The following RAB11B variants were observed in gnomAD, a reference collection of about 807,000 sequenced individuals.
The protein encoded by RAB11B is RAB11B, member RAS oncogene family, also known as ras-related protein Rab-11B.
In RAB11B, 7 loss-of-function variants were observed where a neutral mutation model predicts 23.7. That is an observed-to-expected ratio of 0.29 (90% CI 0.17 to 0.55). The LOEUF (loss-of-function observed/expected upper bound fraction) is 0.55. RAB11B is among the 20% of genes least tolerant of loss of function. The pLI, the probability that RAB11B is intolerant of heterozygous loss-of-function variation, is 0.93. For synonymous variants in RAB11B, 138 were observed against 132.0 expected, an observed-to-expected ratio of 1.05 and a Z score of -0.31; for missense variants, 189 against 320.0, an observed-to-expected ratio of 0.59 and a Z score of 3.12.
intron 1 of RAB11B, among the ~76,000 whole-genome samples, chr19:8,395,271 CTTTTT>C (rs201774881): frequency 1.1e-5 from 1 of 94,074 alleles, no homozygotes; most frequent in African/African-American, 4.3e-5. Context: ...TTCCATCTTT[CTTTTT>C]TTTTTTTTTT....
In RAB11B at chr19:8,390,373, G is replaced by T. The variant is rs1163195351; in HGVS notation, c.-44G>T. ...GGCTCCGCCCCCGTCGGGTGTTTGT[G>T]GTGGGGCTGCGGAGTCGCCGATCCC... On this transcript the variant is annotated 5_prime_UTR_variant, in exon 1 of 5. Transcript: ENST00000328024. 7.3e-6 allele frequency: 11 copies of T among 1,515,438 alleles called. No individual in the cohort carries two copies. The highest frequency in any genetic ancestry group is 9.7e-6 in the Non-Finnish European group (11 of 1,134,804). 93.9% of individuals were successfully genotyped at this position (1,515,438 alleles called of 1,614,324 possible).
chr19:8,403,287 C>A (rs1237182597), intron 4 of RAB11B, 126 bp from the exon 5 acceptor site: 2 of 1,251,608 alleles, frequency 1.6e-6, no homozygotes, highest in Non-Finnish European at 2.2e-6. Context: ...GTCCTTGTTA[C>A]CCCTGATGTG....
Position 8,403,605 on chromosome 19 carries a change from C to CG in RAB11B, c.*48dup. The stretch of plus-strand genomic sequence containing the variant: ...TGCGTGCACGTCCTCCGCCCGCCCC[C>CG]GCCACGGTATCCTCTGGCCCCTCCC... On this transcript the variant is annotated 3_prime_UTR_variant, in exon 5 of 5. Coordinates refer to ENST00000328024, the MANE Select transcript of RAB11B (RefSeq NM_004218.4). 1.9e-6 allele frequency: 3 copies of CG among 1,573,544 alleles called. No individual in the cohort carries two copies. Among genetic ancestry groups the CG allele is most frequent in the Non-Finnish European group, 2.6e-6 (3 of 1,155,888 alleles).
chr19:8,400,589 TG>T, intron 2 of RAB11B, among the ~76,000 whole-genome samples: 1 of 31,908 alleles, frequency 3.1e-5, no homozygotes, highest in South Asian at 1.8e-3. Flanking sequence ...CACCTCCTCT[TG>T]TTTTTTTTTT....
Position 8,399,951 on chromosome 19 carries a change from C to T in RAB11B, c.129C>T (p.Thr43=), listed in dbSNP as rs749482516. ...AGTTCAACCTGGAGAGCAAGAGCAC[C>T]ATCGGCGTGGAGTTCGCCACCCGCA... ...RNEFNLESKS[T]IGVEFATRSI... The change falls in exon 2 of 5, where the codon ACC becomes ACT. Residue 43 remains threonine (T), a synonymous_variant. Coordinates refer to ENST00000328024, the MANE Select transcript of RAB11B (RefSeq NM_004218.4). The T allele has an allele frequency of 3.7e-6, 6 of 1,614,216 alleles. No homozygotes were observed. The South Asian group carries it at 4.4e-5, about 12-fold the overall frequency.
At position 8,402,267 on chromosome 19, in the gene RAB11B, C is replaced by T. The variant is rs747366868; in HGVS notation, c.418C>T (p.Arg140Cys). The change falls in exon 3 of 5, where the codon CGC becomes TGC. Residue 140 changes from arginine (R) to cysteine (C), a missense_variant. Arg to Cys is a radical substitution (Grantham distance 180). This residue lies in a region of RAB11B where 122 missense variants were observed against 170.8 expected (regional missense o/e 0.71). Coordinates refer to ENST00000328024, the MANE Select transcript of RAB11B (RefSeq NM_004218.4). ...HLRAVPTDEA[R>C]AFAEKNNLSF... ...GCGGGCTGTGCCCACTGACGAGGCC[C>T]GCGCCTTCGCAGGTGAGCAGACGGA... 10 of 1,556,108 alleles carry T rather than the reference C, an allele frequency of 6.4e-6. No individual in the cohort carries two copies. Among genetic ancestry groups the T allele is most frequent in the South Asian group, 2.4e-5 (2 of 85,060 alleles).
Position 8,402,201 on chromosome 19 carries a change from G to A in RAB11B, c.352G>A (p.Val118Ile), listed in dbSNP as rs868743721. 40 of 1,587,982 alleles carry A rather than the reference G, an allele frequency of 2.5e-5. No individual in the cohort carries two copies. Among genetic ancestry groups the A allele is most frequent in the Non-Finnish European group, 3.2e-5 (37 of 1,167,370 alleles). Residue 118 changes from valine to isoleucine, a missense_variant, in exon 3 of 5, where the codon GTC (valine) becomes ATC (isoleucine). This residue lies in a region of RAB11B where 122 missense variants were observed against 170.8 expected (regional missense o/e 0.71). Transcript: ENST00000328024. The stretch of plus-strand genomic sequence containing the variant: ...GCGGGACCACGCAGACAGCAACATC[G>A]TCATCATGCTGGTGGGCAACAAGAG... ...ELRDHADSNIVIMLVGNKSDL... is the reference protein window; with the variant it reads ...ELRDHADSNIIIMLVGNKSDL...
In RAB11B at chr19:8,392,241, C is replaced by T. The variant is rs368319433; in HGVS notation, c.40+1785C>T. On this transcript the variant is annotated intron_variant, in intron 1 of 4. Coordinates refer to ENST00000328024, the MANE Select transcript of RAB11B (RefSeq NM_004218.4). ...GGTTATCCCCTGCTTGTTATTTTTG[C>T]CCTTTTGCTGTGTTAAATGACCCAG... Among the ~76,000 whole-genome samples, 15 of 152,208 alleles carry T rather than the reference C, an allele frequency of 9.9e-5. 3 individuals carry two copies. The highest frequency in any genetic ancestry group is 1.3e-4 in the Admixed American group (2 of 15,278).
chr19:8,390,373 G>A lies in RAB11B; in HGVS notation c.-44G>A, dbSNP rs1163195351. 5.9e-6 allele frequency: 9 copies of A among 1,515,554 alleles called. No homozygotes were observed. Among genetic ancestry groups the A allele is most frequent in the Non-Finnish European group, 7.9e-6 (9 of 1,134,796 alleles). The allele number at this position is 1,515,554 out of a possible 1,614,324, so 93.9% of individuals were successfully genotyped here. Reference sequence around the variant, plus strand: ...GGCTCCGCCCCCGTCGGGTGTTTGTGGTGGGGCTGCGGAGTCGCCGATCCC... The same window carrying A: ...GGCTCCGCCCCCGTCGGGTGTTTGTAGTGGGGCTGCGGAGTCGCCGATCCC... On this transcript the variant is annotated 5_prime_UTR_variant, in exon 1 of 5. Transcript: ENST00000328024.
intron 4 of RAB11B, 166 bp downstream of exon 4, chr19:8,402,731 C>T: frequency 1.6e-6 from 1 of 612,482 alleles, no homozygotes; most frequent in Non-Finnish European, 2.9e-6. Flanking sequence ...GGCTCGATCT[C>T]AGCTTACTGC....
chr19:8,397,978 C>T (rs1379960854), intron 1 of RAB11B, among the ~76,000 whole-genome samples: 1 of 152,122 alleles, frequency 6.6e-6, no homozygotes, highest in East Asian at 1.9e-4. Context: ...TGGGGGTCCA[C>T]GGGGCTTCTG....
At chr19:8,402,311 G>A in intron 3 of RAB11B, 32 bp downstream of exon 3, 5 of 1,538,852 alleles carry the variant, frequency 3.2e-6, no homozygotes, top group Non-Finnish European at 4.4e-6. Flanking sequence ...CATCAGAGAG[G>A]TGTCTGGAAG....
At chr19:8,395,349 C>T (rs1971388774) in intron 1 of RAB11B, among the ~76,000 whole-genome samples, 1 of 148,476 alleles carries the variant, frequency 6.7e-6, no homozygotes, top group South Asian at 2.1e-4. Context: ...TCCCGGCTCA[C>T]TGCAACCTCC....
Position 8,390,382 on chromosome 19 carries a change from G to A in RAB11B, c.-35G>A. The A allele has an allele frequency of 6.6e-7, 1 of 1,523,366 alleles. No individual in the cohort carries two copies. The highest frequency in any genetic ancestry group is 8.8e-7 in the Non-Finnish European group (1 of 1,139,074). 94.4% of individuals were successfully genotyped at this position (1,523,366 alleles called of 1,614,324 possible). A position where few individuals can be genotyped will look rare whatever the true frequency, so the allele number is the denominator to read the frequency against. Reference sequence around the variant, plus strand: ...CCCGTCGGGTGTTTGTGGTGGGGCTGCGGAGTCGCCGATCCCGCCGGAAGC... The same window carrying A: ...CCCGTCGGGTGTTTGTGGTGGGGCTACGGAGTCGCCGATCCCGCCGGAAGC... On this transcript the variant is annotated 5_prime_UTR_variant, in exon 1 of 5. Transcript: ENST00000328024.
chr19:8,403,471 C>T lies in RAB11B; in HGVS notation c.570C>T (p.Ser190=), dbSNP rs764528564. The T allele has an allele frequency of 9.9e-6, 16 of 1,613,736 alleles. No individual in the cohort carries two copies. The highest frequency in any genetic ancestry group is 1.3e-5 in the Non-Finnish European group (15 of 1,179,776). ...CAGACCGCGCTGCCCACGACGAGTC[C>T]CCGGGGAACAACGTGGTGGACATCA... The part of the protein sequence containing the change: ...QIADRAAHDE[S]PGNNVVDISV... The change falls in exon 5 of 5, where the codon TCC becomes TCT. Residue 190 remains serine, a synonymous_variant. Coordinates refer to ENST00000328024, the MANE Select transcript of RAB11B (RefSeq NM_004218.4).
chr19:8,392,464 G>A (rs916699993), intron 1 of RAB11B, among the ~76,000 whole-genome samples: 1 of 144,670 alleles, frequency 6.9e-6, no homozygotes, highest in African/African-American at 2.9e-5. Flanking sequence ...GTGTGGGGTG[G>A]GGGGGGGCGG....
intron 4 of RAB11B, 200 bp downstream of exon 4, chr19:8,402,765 C>T (rs954716911): frequency 1.9e-5 from 11 of 590,352 alleles, no homozygotes; most frequent in Non-Finnish European, 3.0e-5. Context: ...CAGGTTCAGG[C>T]AATTCTCCTG....
Position 8,403,504 on chromosome 19 carries a change from G to A in RAB11B, c.603G>A (p.Pro201=), listed in dbSNP as rs199675202. 26 of 1,613,936 alleles carry A rather than the reference G, an allele frequency of 1.6e-5. No homozygotes were observed. Among genetic ancestry groups the A allele is most frequent in the Non-Finnish European group, 2.5e-6 (3 of 1,179,906 alleles). ...PGNNVVDISV[P]PTTDGQKPNK... ...ACAACGTGGTGGACATCAGCGTGCC[G>A]CCCACCACGGACGGACAGAAGCCCA... is the stretch of plus-strand genomic sequence containing the variant. Residue 201 remains proline (P), a synonymous_variant, in exon 5 of 5, where the codon CCG becomes CCA. Coordinates refer to ENST00000328024, the MANE Select transcript of RAB11B (RefSeq NM_004218.4).
intron 1 of RAB11B, among the ~76,000 whole-genome samples, chr19:8,392,470 G>A (rs1049849934): frequency 2.9e-4 from 44 of 151,416 alleles, no homozygotes; most frequent in Non-Finnish European, 5.9e-4. Flanking sequence ...GGTGGGGGGG[G>A]GCGGTGCCTG....
Sources: allele counts gnomAD v4.1 joint callset (sites outside exome capture counted in the v4.1 genomes callset), GRCh38; gene constraint gnomAD v4.1.1; regional missense constraint gnomAD v4.1.1; transcripts MANE v1.5; gene names NCBI Gene and HGNC (gene_info 2026-07-23, HGNC 2026-07-21).